The following SPATA13 variants were observed in gnomAD, a reference collection of about 807,000 sequenced individuals.
SPATA13 encodes spermatogenesis-associated protein 13.
SPATA13 carries 50 observed loss-of-function variants against 104.0 expected under a neutral mutation model. The ratio of observed to expected loss-of-function variants is 0.48; its 90% CI spans 0.38 to 0.61. The LOEUF is 0.61. SPATA13 is among the 20% of genes least tolerant of loss of function. The pLI, the probability that SPATA13 is intolerant of heterozygous loss-of-function variation, is 0.00. For synonymous variants in SPATA13, 606 were observed against 667.5 expected (o/e 0.91, Z 1.42); for missense variants, 1,524 against 1,690.6 (o/e 0.90, Z 1.73).
intron 2 of SPATA13, among the ~76,000 whole-genome samples, chr13:24,244,842 G>A (rs938774497): frequency 1.3e-5 from 2 of 152,226 alleles, no homozygotes; most frequent in Non-Finnish European, 2.9e-5. Flanking sequence ...GCAACAGAGT[G>A]AGACTGTCGC....
chr13:24,248,736 A>G (rs1218227993), intron 2 of SPATA13, among the ~76,000 whole-genome samples: 2 of 152,192 alleles, frequency 1.3e-5, no homozygotes, highest in Non-Finnish European at 2.9e-5. Context: ...AGCACCTTCT[A>G]TTTTTAAGTA....
chr13:24,130,216 G>A (rs1260105732), intron 3 of SPATA13, among the ~76,000 whole-genome samples: 5 of 152,146 alleles, frequency 3.3e-5, no homozygotes, highest in Non-Finnish European at 5.9e-5. Context: ...CCCTGCACCC[G>A]GGAGTCCACC....
chr13:24,076,869 C>T (rs1459065098), intron 3 of SPATA13, among the ~76,000 whole-genome samples: 2 of 151,918 alleles, frequency 1.3e-5, no homozygotes, highest in Non-Finnish European at 2.9e-5. Context: ...CAGGAGTCCC[C>T]TAGTCCTCTT....
Position 24,286,287 on chromosome 13 carries a change from G to A in SPATA13, c.2375G>A (p.Gly792Asp), listed in dbSNP as rs1187967753. ...DHVTMDDQEL[G>D]FKAGDVIQVL... Reference sequence around the variant, plus strand: ...GTGACCATGGATGACCAGGAACTGGGCTTCAAAGCCGGGGATGTCATCCAG... The same window carrying A: ...GTGACCATGGATGACCAGGAACTGGACTTCAAAGCCGGGGATGTCATCCAG... The change falls in exon 6 of 13, where the codon GGC (glycine) becomes GAC (aspartate). Residue 792 changes from glycine to aspartate, a missense_variant. Physicochemically the swap from Gly to Asp is moderately conservative, Grantham distance 94 (BLOSUM62 -1). This residue lies in a region of SPATA13 where 1,089 missense variants were observed against 1,135.9 expected (regional missense o/e 0.96). Coordinates refer to ENST00000382108, the MANE Select transcript of SPATA13 (RefSeq NM_001166271.3). The surrounding 1 kb of genome is among the most constrained non-coding windows in gnomAD (Gnocchi z 4.9). The A allele has an allele frequency of 5.6e-6, 9 of 1,613,918 alleles. No homozygotes were observed. Among genetic ancestry groups the A allele is most frequent in the East Asian group, 2.2e-5 (1 of 44,888 alleles).
At chr13:24,214,567 A>G (rs893624631) in intron 1 of SPATA13, among the ~76,000 whole-genome samples, 1 of 152,186 alleles carries the variant, frequency 6.6e-6, no homozygotes, top group African/African-American at 2.4e-5. Flanking sequence ...TAACAAAGCA[A>G]TTCAAAGCAA....
intron 3 of SPATA13, among the ~76,000 whole-genome samples, chr13:24,063,787 T>C (rs1878857317): frequency 6.6e-6 from 1 of 152,218 alleles, no homozygotes; most frequent in South Asian, 2.1e-4. Context: ...GCACATGTCA[T>C]CCAGCTTTCT....
intron 1 of SPATA13, among the ~76,000 whole-genome samples, chr13:24,189,852 T>TATCA (rs1869472253): frequency 5.4e-5 from 2 of 36,788 alleles, no homozygotes; most frequent in African/African-American, 1.3e-4. Context: ...ATATATTATA[T>TATCA]TAATATATCA....
intron 3 of SPATA13, among the ~76,000 whole-genome samples, chr13:24,020,924 C>T (rs1486442497): frequency 1.3e-5 from 2 of 152,086 alleles, no homozygotes; most frequent in Non-Finnish European, 2.9e-5. Context: ...TGCCTATAAT[C>T]CCAGCTACTC....
At chr13:24,121,829 A>T (rs1399216828) in intron 3 of SPATA13, among the ~76,000 whole-genome samples, 1 of 152,168 alleles carries the variant, frequency 6.6e-6, no homozygotes, top group East Asian at 1.9e-4. Context: ...TCTTCAAAAA[A>T]TAAAGAAATA....
intron 3 of SPATA13, among the ~76,000 whole-genome samples, chr13:24,055,851 T>A (rs770017037): frequency 6.6e-6 from 1 of 152,006 alleles, no homozygotes; most frequent in Non-Finnish European, 1.5e-5. Context: ...GGCCGAGGAG[T>A]CCAATCCACC....
intron 3 of SPATA13, among the ~76,000 whole-genome samples, chr13:24,094,260 G>A (rs1012524148): frequency 5.9e-5 from 9 of 152,324 alleles, no homozygotes; most frequent in African/African-American, 2.2e-4. Context: ...CGAGAACATC[G>A]TGGCCTCACA....
intron 1 of SPATA13, among the ~76,000 whole-genome samples, chr13:24,164,920 C>T (rs1263078467): frequency 1.8e-4 from 27 of 152,194 alleles, no homozygotes; most frequent in African/African-American, 5.3e-4. Flanking sequence ...GCGCTAACTT[C>T]GGGGTTGTGG....
In SPATA13 at chr13:24,139,815, C is replaced by G. The variant is rs566248877; in HGVS notation, c.-111-83004C>G. Among the ~76,000 whole-genome samples the G allele has an allele frequency of 6.6e-5, 10 of 152,234 alleles. No individual in the cohort carries two copies. The South Asian group carries it at 1.9e-3, about 28-fold the overall frequency. ...GGGCGCGGTGGCTCACGTCTGTAAT[C>G]CCAGCACTTTGGGAGGCCAAGGAGG... On this transcript the variant is annotated intron_variant, in intron 3 of 14. Transcript: ENST00000424834.
At chr13:24,292,772 T>C (rs1876483041) in intron 9 of SPATA13, among the ~76,000 whole-genome samples, 1 of 151,860 alleles carries the variant, frequency 6.6e-6, no homozygotes, top group Non-Finnish European at 1.5e-5. Context: ...CCGAAACGGG[T>C]GGATCACATG....
At chr13:24,096,036 T>C (rs1880068009) in intron 3 of SPATA13, among the ~76,000 whole-genome samples, 1 of 152,188 alleles carries the variant, frequency 6.6e-6, no homozygotes, top group Non-Finnish European at 1.5e-5. Flanking sequence ...CAGCTAAGCC[T>C]GGTGGCGTCC....
intron 1 of SPATA13, among the ~76,000 whole-genome samples, chr13:24,203,746 T>A (rs1018084791): frequency 1.3e-5 from 2 of 152,194 alleles, no homozygotes; most frequent in Admixed American, 6.5e-5. Flanking sequence ...TTTTTTATAT[T>A]ATTAAATACA....
chr13:24,195,267 G>A (rs1028590571), intron 1 of SPATA13, among the ~76,000 whole-genome samples: 5 of 152,160 alleles, frequency 3.3e-5, no homozygotes, highest in Non-Finnish European at 7.3e-5. Flanking sequence ...CATTCATGTT[G>A]TAGCATAGCA....
intron 9 of SPATA13, 26 bp downstream of exon 9, chr13:24,290,910 G>A: frequency 6.3e-7 from 1 of 1,585,240 alleles, no homozygotes; most frequent in Non-Finnish European, 8.6e-7. Flanking sequence ...AAGGGGCACA[G>A]GTGAGAGCAC....
chr13:24,264,364 A>C lies in SPATA13; in HGVS notation c.2164+12502A>C, dbSNP rs535682490. 3.9e-5 allele frequency among the ~76,000 whole-genome samples: 6 copies of C among 152,274 alleles called. No homozygotes were observed. The South Asian group carries it at 1.2e-3, about 32-fold the overall frequency. ...CGAACCACCACCAAGAGCCAGTAGCACTCTGTACGTATTCCTGGCCTGATC... is the reference window on the plus strand; with the variant it reads ...CGAACCACCACCAAGAGCCAGTAGCCCTCTGTACGTATTCCTGGCCTGATC... On this transcript the variant is annotated intron_variant, in intron 4 of 12. Transcript: ENST00000382108.
Sources: allele counts gnomAD v4.1 joint callset (sites outside exome capture counted in the v4.1 genomes callset), GRCh38; gene constraint gnomAD v4.1.1; regional missense constraint gnomAD v4.1.1; non-coding constraint Gnocchi (gnomAD v3.1); transcripts MANE v1.5; gene names NCBI Gene and HGNC (gene_info 2026-07-23, HGNC 2026-07-21).